INPP4B: variants seen among roughly 807,000 people sequenced by gnomAD.
INPP4B encodes the protein inositol polyphosphate-4-phosphatase type II B.
A neutral mutation model predicts 122.5 loss-of-function variants in INPP4B; 55 were observed. That is an observed-to-expected ratio of 0.45 (90% CI 0.36 to 0.56). The LOEUF is 0.56. INPP4B is among the 20% of genes least tolerant of loss of function. The probability of loss-of-function intolerance (pLI) is 0.00; values close to 1 mark genes in which losing one functional copy is unlikely to be tolerated. For missense variants in INPP4B, 1,000 were observed against 1,097.7 expected (o/e 0.91, Z 1.26); for synonymous variants, 403 against 388.7 (o/e 1.04, Z -0.43).
intron 7 of INPP4B, among the ~76,000 whole-genome samples, chr4:142,326,571 A>G (rs1055155058): frequency 6.6e-6 from 1 of 152,058 alleles, no homozygotes. Context: ...GCCTCCATCC[A>G]TTTCCTCTCT....
chr4:142,270,760 C>A lies in INPP4B; in HGVS notation c.518G>T (p.Gly173Val), dbSNP rs754178340. The A allele has an allele frequency of 2.9e-5, 47 of 1,612,492 alleles. No homozygotes were observed. Among genetic ancestry groups the A allele is most frequent in the South Asian group, 4.4e-5 (4 of 91,020 alleles). The change falls in exon 10 of 26, where the codon GGC becomes GTC. Residue 173 changes from glycine to valine, a missense_variant. Coordinates refer to ENST00000262992, the MANE Select transcript of INPP4B (RefSeq NM_001101669.3). ...LVLSLRTSDG[G>V]KVVGTIEVSV... is the part of the protein sequence containing the mutation. Reference sequence around the variant, plus strand: ...GACTTCTATGGTGCCAACCACTTTGCCACCATCTGAAGTTCTGCAACAAAA... The same window carrying A: ...GACTTCTATGGTGCCAACCACTTTGACACCATCTGAAGTTCTGCAACAAAA...
intron 10 of INPP4B, among the ~76,000 whole-genome samples, chr4:142,269,266 G>A (rs1335389139): frequency 6.7e-6 from 1 of 150,038 alleles, no homozygotes; most frequent in Non-Finnish European, 1.5e-5. Flanking sequence ...GCCTCACTAT[G>A]GGACCACTTA....
chr4:142,440,788 C>A (rs985984335), intron 3 of INPP4B, among the ~76,000 whole-genome samples: 1 of 152,068 alleles, frequency 6.6e-6, no homozygotes, highest in Non-Finnish European at 1.5e-5. Context: ...TTATAAGATA[C>A]ACATATATGG....
chr4:142,241,151 C>T (rs1859178615), intron 11 of INPP4B, among the ~76,000 whole-genome samples: 1 of 152,148 alleles, frequency 6.6e-6, no homozygotes. Flanking sequence ...GCTATCCATA[C>T]AATAGGCTTA....
intron 1 of INPP4B, among the ~76,000 whole-genome samples, chr4:142,814,434 A>G (rs1160548757): frequency 6.6e-5 from 10 of 152,164 alleles, no homozygotes; most frequent in Non-Finnish European, 2.9e-5. Flanking sequence ...ACAAAATGCT[A>G]AGATAAAAAT....
intron 7 of INPP4B, among the ~76,000 whole-genome samples, chr4:142,348,096 T>C (rs1780834814): frequency 6.6e-6 from 1 of 152,086 alleles, no homozygotes; most frequent in Non-Finnish European, 1.5e-5. Flanking sequence ...AAAAATAAAC[T>C]ATAAGCTCCA....
intron 2 of INPP4B, among the ~76,000 whole-genome samples, chr4:142,725,532 G>A (rs1356868802): frequency 2.0e-5 from 3 of 151,784 alleles, no homozygotes; most frequent in African/African-American, 7.3e-5. Flanking sequence ...TAAACCAATT[G>A]GATTTATTTC....
At chr4:142,622,194 G>T (rs190478100) in intron 2 of INPP4B, among the ~76,000 whole-genome samples, 29 of 151,926 alleles carry the variant, frequency 1.9e-4, no homozygotes, top group Admixed American at 7.2e-4. Context: ...CTCAATGTGG[G>T]CCCGGGCTAC....
chr4:142,257,453 A>G (rs943488049), intron 11 of INPP4B, among the ~76,000 whole-genome samples: 1 of 152,038 alleles, frequency 6.6e-6, no homozygotes, highest in Non-Finnish European at 1.5e-5. Flanking sequence ...TATCTAGAAA[A>G]CCCCATGGTC....
At chr4:142,760,175 C>A (rs377132889) in intron 1 of INPP4B, among the ~76,000 whole-genome samples, 5 of 152,118 alleles carry the variant, frequency 3.3e-5, no homozygotes, top group African/African-American at 9.7e-5. Flanking sequence ...CTACATTTCT[C>A]ATTAAGTAGA....
intron 11 of INPP4B, among the ~76,000 whole-genome samples, chr4:142,255,531 C>CA (rs1295914875): frequency 1.3e-5 from 2 of 151,674 alleles, no homozygotes; most frequent in East Asian, 1.9e-4. Flanking sequence ...AAATGGAAAA[C>CA]AAAAAAGGCA....
In INPP4B at chr4:142,705,370, G is replaced by A. The variant is rs1014534575; in HGVS notation, c.-191+20469C>T. Among the ~76,000 whole-genome samples the A allele has an allele frequency of 1.3e-5, 2 of 151,806 alleles. 1 individual carries two copies. The highest frequency in any genetic ancestry group is 4.8e-5 in the African/African-American group (2 of 41,290). On this transcript the variant is annotated intron_variant, in intron 2 of 25. Transcript: ENST00000262992. ...CCTTTTTTTGTGTATCTCAGTGAATGACTGAAGCCATGAACTTAATTGATC... is the reference window on the plus strand; with the variant it reads ...CCTTTTTTTGTGTATCTCAGTGAATAACTGAAGCCATGAACTTAATTGATC...
At chr4:142,252,970 C>T (rs969501823) in intron 11 of INPP4B, among the ~76,000 whole-genome samples, 1 of 152,160 alleles carries the variant, frequency 6.6e-6, no homozygotes, top group Admixed American at 6.6e-5. Flanking sequence ...GATGGTAGAG[C>T]CTACTACACA....
At chr4:142,061,533 T>G (rs116263281) in intron 25 of INPP4B, among the ~76,000 whole-genome samples, 1,675 of 152,266 alleles carry the variant, frequency 0.011, 36 homozygotes, top group African/African-American at 0.039. Context: ...TAGTCTGACA[T>G]ATTTGGGAAC....
At chr4:142,376,765 A>C (rs530110302) in intron 7 of INPP4B, among the ~76,000 whole-genome samples, 386 of 152,108 alleles carry the variant, frequency 2.5e-3, no homozygotes, top group Non-Finnish European at 3.8e-3. Flanking sequence ...TCATGGTGGA[A>C]AACTCTGAAT....
At chr4:142,732,110 T>TA (rs1487289810) in intron 1 of INPP4B, among the ~76,000 whole-genome samples, 1 of 152,110 alleles carries the variant, frequency 6.6e-6, no homozygotes, top group Non-Finnish European at 1.5e-5. Flanking sequence ...CCATCCCAGA[T>TA]AAAAAAGAAC....
chr4:142,539,097 T>A (rs2059512), intron 2 of INPP4B, among the ~76,000 whole-genome samples: 34,867 of 149,362 alleles, frequency 0.23, 5,199 homozygotes, highest in East Asian at 0.78. Context: ...TATATATATA[T>A]AAACAATTTA....
chr4:142,416,081 G>A (rs994515007), intron 5 of INPP4B, among the ~76,000 whole-genome samples: 2 of 151,932 alleles, frequency 1.3e-5, no homozygotes, highest in African/African-American at 4.8e-5. Context: ...TGCAGCACAC[G>A]AGCATGGCAC....
chr4:142,264,536 T>C (rs749066332), intron 10 of INPP4B, among the ~76,000 whole-genome samples: 44 of 152,312 alleles, frequency 2.9e-4, no homozygotes, highest in Non-Finnish European at 4.9e-4. Flanking sequence ...TGTGTATATA[T>C]TGAAGTTTGA....
Sources: gnomAD v4.1 joint callset for allele counts (sites outside exome capture counted in the v4.1 genomes callset) on GRCh38, gnomAD v4.1.1 for gene constraint, MANE v1.5 for transcripts, NCBI Gene and HGNC (gene_info 2026-07-23, HGNC 2026-07-21) for gene names.